IPCEF1: variants seen among roughly 807,000 people sequenced by gnomAD.
The protein encoded by IPCEF1 is interaction protein for cytohesin exchange factors 1, also known as interactor protein for cytohesin exchange factors 1.
A neutral mutation model predicts 50.9 loss-of-function variants in IPCEF1; 31 were observed. That is an observed-to-expected ratio of 0.61 (90% CI 0.46 to 0.82). The LOEUF (loss-of-function observed/expected upper bound fraction) is 0.82, where lower values mean the gene tolerates loss of function less well. IPCEF1 is among the 40% of genes least tolerant of loss of function. IPCEF1 has a pLI of 0.00. For synonymous variants in IPCEF1, 181 were observed against 192.0 expected (o/e 0.94, Z 0.47); for missense variants, 458 against 514.0 (o/e 0.89, Z 1.05).
At chr6:154,322,819 A>G (rs541399153) in intron 1 of IPCEF1, among the ~76,000 whole-genome samples, 2 of 152,116 alleles carry the variant, frequency 1.3e-5, no homozygotes, top group African/African-American at 2.4e-5. Flanking sequence ...CCTGGAGGAG[A>G]GAATGAGACT....
At position 154,273,724 on chromosome 6, in the gene IPCEF1, CTTTTTTTTTTTTTTTTTTTTT is replaced by C. The variant is rs71021036; in HGVS notation, c.-17-7781_-17-7761del. ...TCTTTTTTTCTTTCTTTCTTTCTTT[CTTTTTTTTTTTTTTTTTTTTT>C]TTTTTTTTTTTTTTTTTTTTTTTTT... On this transcript the variant is annotated intron_variant, in intron 2 of 11. Coordinates refer to ENST00000367220, the MANE Select transcript of IPCEF1 (RefSeq NM_001130700.2). Among the ~76,000 whole-genome samples, 43 of 63,318 alleles carry C rather than the reference CTTTTTTTTTTTTTTTTTTTTT, an allele frequency of 6.8e-4. 1 individual carries two copies. The highest frequency in any genetic ancestry group is 2.6e-3 in the Admixed American group (11 of 4,260). The allele number at this position is 63,318 out of a possible 152,430, so 41.5% of individuals were successfully genotyped here.
At chr6:154,281,988 G>A (rs932104044) in intron 2 of IPCEF1, among the ~76,000 whole-genome samples, 3 of 151,262 alleles carry the variant, frequency 2.0e-5, no homozygotes, top group African/African-American at 7.3e-5. Context: ...TGGGCAACAA[G>A]AGTGAAACTC....
intron 1 of IPCEF1, among the ~76,000 whole-genome samples, chr6:154,346,872 A>C (rs1363844244): frequency 2.0e-5 from 3 of 152,192 alleles, no homozygotes; most frequent in Non-Finnish European, 4.4e-5. Flanking sequence ...TCAACGTAAG[A>C]TTTGGGTGGC....
chr6:154,195,578 A>T (rs6913455), intron 10 of IPCEF1, among the ~76,000 whole-genome samples: 102,635 of 151,838 alleles, frequency 0.68, 35,343 homozygotes, highest in East Asian at 0.89. Flanking sequence ...CATCCCCTTT[A>T]CCCACGCCTC....
intron 9 of IPCEF1, among the ~76,000 whole-genome samples, chr6:154,209,648 A>C (rs893084884): frequency 5.3e-5 from 8 of 151,728 alleles, no homozygotes; most frequent in Non-Finnish European, 8.8e-5. Flanking sequence ...TGTCTCAAAA[A>C]AAAAAAAAAA....
intron 9 of IPCEF1, among the ~76,000 whole-genome samples, chr6:154,209,283 C>T (rs1325208063): frequency 1.3e-5 from 2 of 151,984 alleles, no homozygotes; most frequent in African/African-American, 4.8e-5. Flanking sequence ...ATATTTTTGC[C>T]CCTAGGCTTG....
chr6:154,270,263 A>C, intron 2 of IPCEF1, among the ~76,000 whole-genome samples: 1 of 152,250 alleles, frequency 6.6e-6, no homozygotes, highest in East Asian at 1.9e-4. Flanking sequence ...TCTATGGATT[A>C]TGAAAGTAAC....
chr6:154,268,893 A>G (rs544583135), intron 2 of IPCEF1, among the ~76,000 whole-genome samples: 1 of 152,300 alleles, frequency 6.6e-6, no homozygotes, highest in African/African-American at 2.4e-5. Flanking sequence ...CTCCATCAAG[A>G]AAACCTTCCC....
Position 154,258,459 on chromosome 6 carries a change from G to A in IPCEF1, c.36+7453C>T, listed in dbSNP as rs111588003. Among the ~76,000 whole-genome samples, 364 of 152,258 alleles carry A rather than the reference G, an allele frequency of 2.4e-3. 1 individual carries two copies. The highest frequency in any genetic ancestry group is 7.9e-3 in the African/African-American group (329 of 41,536). ...TCTCACCATGTTTTGCTATGCCTCT[G>A]AAATTGATATTATAATCTGTTTATC... is the stretch of plus-strand genomic sequence containing the variant. On this transcript the variant is annotated intron_variant, in intron 3 of 11. Transcript: ENST00000367220.
At chr6:154,204,798 T>A (rs535050794) in intron 9 of IPCEF1, among the ~76,000 whole-genome samples, 1 of 152,328 alleles carries the variant, frequency 6.6e-6, no homozygotes, top group East Asian at 1.9e-4. Context: ...AATATTCCTC[T>A]GCAGAAAACC....
At chr6:154,216,734 G>A (rs1273478666) in intron 7 of IPCEF1, among the ~76,000 whole-genome samples, 2 of 152,148 alleles carry the variant, frequency 1.3e-5, no homozygotes, top group Admixed American at 1.3e-4. Context: ...CAGGCGTGGT[G>A]GCACACGCCT....
intron 2 of IPCEF1, among the ~76,000 whole-genome samples, chr6:154,270,511 A>G (rs1305030202): frequency 2.6e-5 from 4 of 152,250 alleles, no homozygotes; most frequent in Non-Finnish European, 4.4e-5. Flanking sequence ...TGCATATTCA[A>G]TAAAAATATT....
chr6:154,310,360 T>C (rs1034690606), intron 1 of IPCEF1, among the ~76,000 whole-genome samples: 2 of 152,242 alleles, frequency 1.3e-5, no homozygotes, highest in African/African-American at 4.8e-5. Flanking sequence ...TTTCTTTCTT[T>C]CTATTTTTTT....
chr6:154,214,155 C>G, intron 8 of IPCEF1, 63 bp downstream of exon 8: 1 of 1,048,238 alleles, frequency 9.5e-7, no homozygotes, highest in South Asian at 1.3e-5. Flanking sequence ...ATTGTTTTTT[C>G]ACCCTGTTTC....
chr6:154,280,971 G>T (rs551340313), intron 2 of IPCEF1, among the ~76,000 whole-genome samples: 1 of 151,994 alleles, frequency 6.6e-6, no homozygotes, highest in African/African-American at 2.4e-5. Flanking sequence ...AGGCCAGAGC[G>T]GAATGATTGT....
At chr6:154,264,682 ACTT>A (rs71803342) in intron 3 of IPCEF1, among the ~76,000 whole-genome samples, 45,521 of 151,812 alleles carry the variant, frequency 0.3, 7,324 homozygotes, top group Middle Eastern at 0.44. Context: ...CCAATACATA[ACTT>A]CTTAAGTTTC....
chr6:154,169,543 C>G (rs566689600), intron 10 of IPCEF1, among the ~76,000 whole-genome samples: 3 of 152,320 alleles, frequency 2.0e-5, no homozygotes, highest in South Asian at 4.1e-4. Flanking sequence ...AGTTTGAGAA[C>G]TACTGCCCTA....
intron 1 of IPCEF1, among the ~76,000 whole-genome samples, chr6:154,336,840 G>A (rs533867604): frequency 1.3e-5 from 2 of 152,328 alleles, no homozygotes; most frequent in South Asian, 4.1e-4. Flanking sequence ...CTGGGCTCAA[G>A]TGATTCTCCC....
intron 9 of IPCEF1, among the ~76,000 whole-genome samples, chr6:154,209,132 T>C (rs1777749671): frequency 6.6e-6 from 1 of 152,212 alleles, no homozygotes; most frequent in African/African-American, 2.4e-5. Flanking sequence ...TTAGAATGAT[T>C]AGACTGAATT....
Sources: allele counts gnomAD v4.1 joint callset (sites outside exome capture counted in the v4.1 genomes callset), GRCh38; gene constraint gnomAD v4.1.1; transcripts MANE v1.5; gene names NCBI Gene and HGNC (gene_info 2026-07-23, HGNC 2026-07-21).